Variants in DRC8 observed in about 807,000 individuals in gnomAD.
DRC8 encodes the protein dynein regulatory complex subunit 8.
At chr1:245,028,219 T>C in the DRC8 span, among the ~76,000 whole-genome samples, 19 of 152,224 alleles carry the variant, frequency 1.2e-4, no homozygotes, top group Non-Finnish European at 4.4e-5. Flanking sequence ...TTTTTTGTGC[T>C]TGAATACTTT....
At chr1:245,034,298 G>A in the DRC8 span, among the ~76,000 whole-genome samples, 1 of 152,186 alleles carries the variant, frequency 6.6e-6, no homozygotes, top group South Asian at 2.1e-4. Context: ...ATGGAAACTA[G>A]ATTTGAAAAC....
the DRC8 span, among the ~76,000 whole-genome samples, chr1:245,084,131 G>A: frequency 2.1e-5 from 3 of 140,362 alleles, no homozygotes; most frequent in East Asian, 6.3e-4. Flanking sequence ...ACCCAGGCTG[G>A]AGTGCAGTGG....
chr1:245,022,198 C>T, the DRC8 span, among the ~76,000 whole-genome samples: 187 of 150,182 alleles, frequency 1.2e-3, no homozygotes, highest in African/African-American at 4.4e-3. Context: ...CAGGCAGGAG[C>T]GCAGTGGAGT....
the DRC8 span, among the ~76,000 whole-genome samples, chr1:245,014,141 C>G: frequency 6.6e-6 from 1 of 151,716 alleles, no homozygotes; most frequent in East Asian, 1.9e-4. Context: ...TCTTTTTCCT[C>G]CAGTAATTGT....
At chr1:244,996,160 G>A in the DRC8 span, among the ~76,000 whole-genome samples, 6 of 152,190 alleles carry the variant, frequency 3.9e-5, no homozygotes, top group African/African-American at 1.2e-4. Flanking sequence ...TGGGGCTGCC[G>A]TAATCTGATG....
chr1:245,062,654 C>T, the DRC8 span, among the ~76,000 whole-genome samples: 1 of 152,208 alleles, frequency 6.6e-6, no homozygotes, highest in African/African-American at 2.4e-5. Flanking sequence ...ATTATTGACT[C>T]AGGCTTAGGC....
At chr1:245,024,288 C>A in the DRC8 span, among the ~76,000 whole-genome samples, 1 of 152,058 alleles carries the variant, frequency 6.6e-6, no homozygotes, top group Admixed American at 6.6e-5. Context: ...GCTCATGCTG[C>A]AGAGAATATC....
chr1:245,026,115 C>T, the DRC8 span, among the ~76,000 whole-genome samples: 1 of 152,136 alleles, frequency 6.6e-6, no homozygotes, highest in African/African-American at 2.4e-5. Context: ...TTTTGCAGTC[C>T]AGCAGCACCA....
the DRC8 span, chr1:245,082,306 C>T: frequency 1.5e-6 from 1 of 649,304 alleles, no homozygotes; most frequent in African/African-American, 1.8e-5. Context: ...TTTCAAGCTA[C>T]TTCTGAACTG....
the DRC8 span, among the ~76,000 whole-genome samples, chr1:245,017,617 A>C: frequency 6.6e-6 from 1 of 152,202 alleles, no homozygotes; most frequent in African/African-American, 2.4e-5. Flanking sequence ...AGTGCTTGGC[A>C]CATAGTTGGT....
chr1:245,006,590 G>A, the DRC8 span, among the ~76,000 whole-genome samples: 48 of 152,116 alleles, frequency 3.2e-4, no homozygotes, highest in Admixed American at 1.4e-3. Context: ...TAGTCTAATC[G>A]TAAGCAATGA....
the DRC8 span, chr1:245,087,643 C>A: frequency 1.9e-6 from 2 of 1,052,452 alleles, 1 homozygote; most frequent in Non-Finnish European, 2.3e-6. Context: ...CTCAGGTCAC[C>A]TTCGAATTAA....
the DRC8 span, among the ~76,000 whole-genome samples, chr1:245,065,984 T>C: frequency 6.6e-6 from 1 of 152,040 alleles, no homozygotes; most frequent in South Asian, 2.1e-4. Flanking sequence ...GTTCCCCTAA[T>C]TTTAGTTCCT....
chr1:244,994,075 T>C, the DRC8 span, among the ~76,000 whole-genome samples: 1 of 152,206 alleles, frequency 6.6e-6, no homozygotes. Flanking sequence ...AGTCTTACTG[T>C]CCAGAAGTGA....
At chr1:245,019,305 A>T in the DRC8 span, among the ~76,000 whole-genome samples, 1 of 151,984 alleles carries the variant, frequency 6.6e-6, no homozygotes, top group Admixed American at 6.6e-5. Context: ...GTAGCTTTAT[A>T]ATTTTTCCTG....
chr1:245,073,784 C>A, the DRC8 span, among the ~76,000 whole-genome samples: 1 of 152,036 alleles, frequency 6.6e-6, no homozygotes. Flanking sequence ...ACAAAGCTCT[C>A]CAGCACTGTA....
the DRC8 span, chr1:245,122,916 C>T: frequency 0.035 from 5,373 of 152,362 alleles, 151 homozygotes; most frequent in East Asian, 0.072. Context: ...CCGTCATCCT[C>T]GGGCAACCGC....
the DRC8 span, among the ~76,000 whole-genome samples, chr1:245,103,140 T>C: frequency 1.4e-5 from 2 of 141,278 alleles, no homozygotes; most frequent in Non-Finnish European, 3.0e-5. Flanking sequence ...TTTATTTCAG[T>C]CCTCCACCCT....
chr1:245,092,548 T>C, the DRC8 span, among the ~76,000 whole-genome samples: 2 of 152,214 alleles, frequency 1.3e-5, no homozygotes, highest in Non-Finnish European at 2.9e-5. Context: ...AAAGCATGGT[T>C]GCCAATCATC....
Sources: gnomAD v4.1 joint callset for allele counts (sites outside exome capture counted in the v4.1 genomes callset) on GRCh38, gnomAD v4.1.1 for gene constraint, MANE v1.5 for transcripts, NCBI Gene and HGNC (gene_info 2026-07-23, HGNC 2026-07-21) for gene names.